The following ACVR1 variants were observed in gnomAD, a reference collection of about 807,000 sequenced individuals.
ACVR1 encodes the protein activin A receptor type 1, also known as activin receptor type-1.
In ACVR1, 38 loss-of-function variants were observed where a neutral mutation model predicts 57.1. The ratio of observed to expected loss-of-function variants is 0.67; its 90% CI spans 0.51 to 0.87. The LOEUF is 0.87. Ranked by LOEUF, ACVR1 falls within the 40% of genes least tolerant of loss-of-function variation. The pLI is 0.00. For synonymous variants in ACVR1, 212 were observed against 228.1 expected, an observed-to-expected ratio of 0.93 and a Z score of 0.63; for missense variants, 463 against 638.2, an observed-to-expected ratio of 0.73 and a Z score of 2.96.
At chr2:157,871,885 C>G (rs529363625) in intron 1 of ACVR1, among the ~76,000 whole-genome samples, 80 of 152,248 alleles carry the variant, frequency 5.3e-4, no homozygotes, top group African/African-American at 1.8e-3. Flanking sequence ...CCATCTGAAC[C>G]AAAGGCTGTG....
At chr2:157,810,137 G>A (rs1237903791) in intron 2 of ACVR1, among the ~76,000 whole-genome samples, 2 of 152,128 alleles carry the variant, frequency 1.3e-5, no homozygotes, top group African/African-American at 4.8e-5. Flanking sequence ...TGGAAAAGAG[G>A]AGAATAGTAT....
chr2:157,868,923 A>C (rs570938987), intron 1 of ACVR1, among the ~76,000 whole-genome samples: 2 of 152,370 alleles, frequency 1.3e-5, no homozygotes, highest in South Asian at 4.1e-4. Context: ...GATAAGGACA[A>C]TGACAACAAT....
intron 9 of ACVR1, among the ~76,000 whole-genome samples, chr2:157,747,171 T>C (rs371072183): frequency 2.6e-5 from 4 of 152,198 alleles, no homozygotes; most frequent in Admixed American, 2.6e-4. Context: ...ATTTCAAAAA[T>C]ATATATTCTT....
intron 9 of ACVR1, among the ~76,000 whole-genome samples, chr2:157,745,930 A>G (rs1418535491): frequency 6.6e-6 from 1 of 152,202 alleles, no homozygotes; most frequent in East Asian, 1.9e-4. Context: ...TGCACCAAAT[A>G]TAAGCTTATT....
intron 1 of ACVR1, among the ~76,000 whole-genome samples, chr2:157,869,380 C>G (rs952183749): frequency 2.0e-5 from 3 of 152,166 alleles, no homozygotes; most frequent in Admixed American, 2.0e-4. Flanking sequence ...ATTCAATAAA[C>G]AAACTAAGGC....
At chr2:157,774,606 T>TG (rs1686206165) in intron 5 of ACVR1, among the ~76,000 whole-genome samples, 1 of 152,070 alleles carries the variant, frequency 6.6e-6, no homozygotes, top group Non-Finnish European at 1.5e-5. Context: ...TCAGGTGATC[T>TG]GCCTGCCTTG....
In ACVR1 at chr2:157,867,682, T is replaced by G. The variant is rs116211230; in HGVS notation, c.-183+8114A>C. On this transcript the variant is annotated intron_variant, in intron 1 of 10. Coordinates refer to ENST00000434821, the MANE Select transcript of ACVR1 (RefSeq NM_001111067.4). ...ATTTTTACATGTTAGCAACCATGTT[T>G]TTTTTTTTTTAATGTTTTAAATACA... Among the ~76,000 whole-genome samples the G allele has an allele frequency of 5.9e-3, 835 of 141,988 alleles. 7 individuals are homozygous for G. Among genetic ancestry groups the G allele is most frequent in the African/African-American group, 0.022 (758 of 35,072 alleles). 93.1% of individuals were successfully genotyped at this position (141,988 alleles called of 152,430 possible).
chr2:157,842,983 CTT>C (rs1264768953), intron 1 of ACVR1, among the ~76,000 whole-genome samples: 7 of 152,136 alleles, frequency 4.6e-5, no homozygotes, highest in African/African-American at 1.7e-4. Flanking sequence ...ACCTCTCAGA[CTT>C]TAACAGTCAC....
At chr2:157,793,061 G>T (rs1242056373) in intron 3 of ACVR1, among the ~76,000 whole-genome samples, 2 of 152,142 alleles carry the variant, frequency 1.3e-5, no homozygotes, top group Non-Finnish European at 2.9e-5. Flanking sequence ...ATTTTCCTTG[G>T]TGTTTTCAAG....
At chr2:157,863,673 G>A (rs532052405) in intron 1 of ACVR1, among the ~76,000 whole-genome samples, 185 of 151,446 alleles carry the variant, frequency 1.2e-3, no homozygotes, top group African/African-American at 4.2e-3. Flanking sequence ...CTTCCAGCCT[G>A]GCAACAGAGC....
intron 2 of ACVR1, among the ~76,000 whole-genome samples, chr2:157,808,082 C>T (rs1329862218): frequency 6.6e-6 from 1 of 152,084 alleles, no homozygotes; most frequent in Non-Finnish European, 1.5e-5. Context: ...TCTCACCCAC[C>T]CCCATAAACT....
intron 5 of ACVR1, among the ~76,000 whole-genome samples, chr2:157,775,886 GTTCTT>G (rs1195102712): frequency 6.6e-6 from 1 of 152,086 alleles, no homozygotes; most frequent in African/African-American, 2.4e-5. Context: ...CCTTCTTTTT[GTTCTT>G]TTCTTTTCTT....
At chr2:157,744,415 T>C in intron 9 of ACVR1, among the ~76,000 whole-genome samples, 1 of 152,258 alleles carries the variant, frequency 6.6e-6, no homozygotes, top group African/African-American at 2.4e-5. Context: ...GTTCATGGAC[T>C]AAACTTTTTC....
chr2:157,865,554 G>A (rs1689884521), intron 1 of ACVR1, among the ~76,000 whole-genome samples: 1 of 152,124 alleles, frequency 6.6e-6, no homozygotes, highest in African/African-American at 2.4e-5. Flanking sequence ...CACTTTGGGA[G>A]GCCGAGGCGG....
intron 6 of ACVR1, among the ~76,000 whole-genome samples, chr2:157,773,877 C>G (rs1409923086): frequency 6.6e-6 from 1 of 152,190 alleles, no homozygotes; most frequent in African/African-American, 2.4e-5. Context: ...ACTCTGCATT[C>G]TCTGTACTCA....
chr2:157,835,932 A>G (rs534375980), intron 1 of ACVR1, among the ~76,000 whole-genome samples: 11 of 152,360 alleles, frequency 7.2e-5, no homozygotes, highest in African/African-American at 2.2e-4. Flanking sequence ...TTCTTCATCA[A>G]TATGGACGCA....
intron 1 of ACVR1, among the ~76,000 whole-genome samples, chr2:157,860,417 T>C (rs1689680943): frequency 6.6e-6 from 1 of 152,198 alleles, no homozygotes; most frequent in Non-Finnish European, 1.5e-5. Flanking sequence ...CCACCACCCC[T>C]AGGGTATTAA....
chr2:157,746,951 T>C (rs1299520666), intron 9 of ACVR1, among the ~76,000 whole-genome samples: 1 of 152,180 alleles, frequency 6.6e-6, no homozygotes, highest in East Asian at 1.9e-4. Flanking sequence ...TTATTATTAG[T>C]AGCAAATAAA....
intron 1 of ACVR1, among the ~76,000 whole-genome samples, chr2:157,820,586 T>C (rs1405963962): frequency 1.3e-5 from 2 of 152,098 alleles, no homozygotes; most frequent in Non-Finnish European, 2.9e-5. Context: ...TTTTTTTTTT[T>C]TCTCATTATA....
Sources: gnomAD v4.1 joint callset for allele counts (sites outside exome capture counted in the v4.1 genomes callset) on GRCh38, gnomAD v4.1.1 for gene constraint, MANE v1.5 for transcripts, NCBI Gene and HGNC (gene_info 2026-07-23, HGNC 2026-07-21) for gene names.